ASTN2: variants seen among roughly 807,000 people sequenced by gnomAD.
ASTN2 encodes astrotactin-2.
Under a neutral mutation model 139.8 loss-of-function variants are expected in ASTN2, and 54 were observed. The ratio of observed to expected loss-of-function variants is 0.39; its 90% CI spans 0.31 to 0.48. The LOEUF (loss-of-function observed/expected upper bound fraction) is 0.48, where lower values mean the gene tolerates loss of function less well. ASTN2 is among the 20% of genes least tolerant of loss of function. ASTN2 has a pLI of 0.95. For synonymous variants in ASTN2, 756 were observed against 719.5 expected (o/e 1.05, Z -0.81); for missense variants, 1,565 against 1,725.1 (o/e 0.91, Z 1.64).
At chr9:116,571,372 C>T (rs1488383495) in intron 19 of ASTN2, among the ~76,000 whole-genome samples, 4 of 152,176 alleles carry the variant, frequency 2.6e-5, no homozygotes, top group Non-Finnish European at 2.9e-5. Flanking sequence ...CACTTTTCTT[C>T]TATTCTGTCT....
At chr9:117,270,912 A>G (rs1197510292) in intron 2 of ASTN2, among the ~76,000 whole-genome samples, 2 of 152,214 alleles carry the variant, frequency 1.3e-5, no homozygotes, top group Non-Finnish European at 1.5e-5. Flanking sequence ...AATGGTCCTC[A>G]TTGACCCATA....
intron 20 of ASTN2, among the ~76,000 whole-genome samples, chr9:116,473,527 T>C (rs567831282): frequency 3.3e-5 from 5 of 152,086 alleles, no homozygotes; most frequent in Non-Finnish European, 7.4e-5. Flanking sequence ...CAGAAAAACG[T>C]GAGTAACTGC....
chr9:117,291,588 A>C, intron 1 of ASTN2, 75 bp from the exon 2 acceptor site: 1 of 1,403,414 alleles, frequency 7.1e-7, no homozygotes, highest in Non-Finnish European at 9.6e-7. Flanking sequence ...AAGAGCCCAC[A>C]TAATCAGGAG....
intron 6 of ASTN2, among the ~76,000 whole-genome samples, chr9:117,010,311 C>G (rs1337437436): frequency 6.6e-6 from 1 of 152,076 alleles, no homozygotes; most frequent in Non-Finnish European, 1.5e-5. Flanking sequence ...GAGGAAGGCA[C>G]AGAACATCAG....
At position 117,066,116 on chromosome 9, in the gene ASTN2, C is replaced by G. The variant is rs1587924279; in HGVS notation, c.1277-26151G>C. ...ATGTGCCATGCTGGTGCACTGCACC[C>G]ACTAACTCGTCATCTAGCATTAGGT... On this transcript the variant is annotated intron_variant, in intron 5 of 22. Transcript: ENST00000313400. 3.5e-5 allele frequency among the ~76,000 whole-genome samples: 5 copies of G among 144,672 alleles called. No individual in the cohort carries two copies. The East Asian group carries it at 1.1e-3, about 31-fold the overall frequency. 94.9% of individuals were successfully genotyped at this position (144,672 alleles called of 152,430 possible).
intron 5 of ASTN2, 100 bp downstream of exon 5, chr9:117,095,944 G>T: frequency 8.9e-7 from 1 of 1,122,030 alleles, no homozygotes; most frequent in Non-Finnish European, 1.3e-6. Flanking sequence ...ATGGGGACCA[G>T]GTTAGAGAAG....
Position 116,948,785 on chromosome 9 carries a change from G to GTTTTTTTTTTTTTTTTT in ASTN2, c.1889+26406_1889+26422dup, listed in dbSNP as rs58832163. Among the ~76,000 whole-genome samples, 33 of 49,474 alleles carry GTTTTTTTTTTTTTTTTT rather than the reference G, an allele frequency of 6.7e-4. 9 individuals carry two copies. The highest frequency in any genetic ancestry group is 2.8e-3 in the African/African-American group (33 of 11,590). The allele number at this position is 49,474 out of a possible 152,430, so 32.5% of individuals were successfully genotyped here. A position where few individuals can be genotyped will look rare whatever the true frequency, so the allele number is the denominator to read the frequency against. The stretch of plus-strand genomic sequence containing the variant: ...AGAGAGAGGAGAGAAATAATTTGGT[G>GTTTTTTTTTTTTTTTTT]TTTTTTTTTTTTTTTTTTTTTTTTT... On this transcript the variant is annotated intron_variant, in intron 10 of 22. Coordinates refer to ENST00000313400, the MANE Select transcript of ASTN2 (RefSeq NM_001365068.1).
intron 4 of ASTN2, among the ~76,000 whole-genome samples, chr9:117,139,122 G>A (rs2132853579): frequency 6.6e-6 from 1 of 152,222 alleles, no homozygotes; most frequent in South Asian, 2.1e-4. Context: ...ACTTAGGAGG[G>A]GGATTTCTGG....
chr9:117,000,176 T>G (rs978299317), intron 7 of ASTN2, among the ~76,000 whole-genome samples: 9 of 152,228 alleles, frequency 5.9e-5, no homozygotes, highest in Non-Finnish European at 1.0e-4. Context: ...TTAAATTTTA[T>G]TTTTCATCTC....
intron 20 of ASTN2, among the ~76,000 whole-genome samples, chr9:116,486,014 C>T (rs1319192921): frequency 6.6e-6 from 1 of 152,172 alleles, no homozygotes; most frequent in African/African-American, 2.4e-5. Context: ...TTGGAGATAC[C>T]AAGCCAGGGT....
intron 1 of ASTN2, among the ~76,000 whole-genome samples, chr9:117,332,514 C>T (rs1828745884): frequency 6.6e-6 from 1 of 152,104 alleles, no homozygotes; most frequent in Admixed American, 6.6e-5. Flanking sequence ...TGCAGTGAAC[C>T]AAGATTGCAC....
intron 3 of ASTN2, among the ~76,000 whole-genome samples, chr9:117,147,565 G>A (rs202207958): frequency 2.4e-4 from 37 of 152,028 alleles, no homozygotes; most frequent in East Asian, 1.9e-3. Context: ...CACTTTGCTC[G>A]CCCTCTTCAA....
chr9:116,590,703 T>C (rs73526174), intron 19 of ASTN2, among the ~76,000 whole-genome samples: 1,697 of 152,252 alleles, frequency 0.011, 29 homozygotes, highest in African/African-American at 0.039. Flanking sequence ...CATGGACACC[T>C]ATGGACAAAT....
intron 6 of ASTN2, among the ~76,000 whole-genome samples, chr9:117,025,183 G>A (rs1588491046): frequency 6.6e-6 from 1 of 152,178 alleles, no homozygotes; most frequent in Non-Finnish European, 1.5e-5. Context: ...CAGAGTCTGG[G>A]CCTTCAGGAA....
At chr9:116,781,722 A>C (rs1564263886) in intron 13 of ASTN2, among the ~76,000 whole-genome samples, 1 of 152,148 alleles carries the variant, frequency 6.6e-6, no homozygotes, top group Non-Finnish European at 1.5e-5. Context: ...TTCTTGATGC[A>C]GTCTGAGCAT....
chr9:117,075,454 C>T (rs1313099328), intron 5 of ASTN2, among the ~76,000 whole-genome samples: 2 of 151,548 alleles, frequency 1.3e-5, no homozygotes, highest in East Asian at 2.0e-4. Flanking sequence ...AACCAAGGAC[C>T]CATCGACTAG....
At chr9:116,972,209 GTTT>G (rs35111042) in intron 10 of ASTN2, among the ~76,000 whole-genome samples, 3,040 of 151,984 alleles carry the variant, frequency 0.02, 117 homozygotes, top group African/African-American at 0.07. Flanking sequence ...AATGAAACTA[GTTT>G]TTTTTGTTTT....
intron 5 of ASTN2, among the ~76,000 whole-genome samples, chr9:117,092,032 A>G (rs1167227370): frequency 6.6e-6 from 1 of 152,162 alleles, no homozygotes; most frequent in African/African-American, 2.4e-5. Flanking sequence ...GATACTCATT[A>G]TTTTAATCTT....
At chr9:116,740,779 G>T (rs1192495345) in intron 13 of ASTN2, among the ~76,000 whole-genome samples, 2 of 151,734 alleles carry the variant, frequency 1.3e-5, no homozygotes, top group Non-Finnish European at 2.9e-5. Flanking sequence ...CTCTCAAAGT[G>T]CTGGGATTAC....
Sources: gnomAD v4.1 joint callset for allele counts (sites outside exome capture counted in the v4.1 genomes callset) on GRCh38, gnomAD v4.1.1 for gene constraint, MANE v1.5 for transcripts, NCBI Gene and HGNC (gene_info 2026-07-23, HGNC 2026-07-21) for gene names.